The following ACTR10 variants were observed in gnomAD, a reference collection of about 807,000 sequenced individuals.
The protein encoded by ACTR10 is actin related protein 10.
Under a neutral mutation model 56.2 loss-of-function variants are expected in ACTR10, and 43 were observed. The ratio of observed to expected loss-of-function variants is 0.77; its 90% CI spans 0.60 to 0.99. ACTR10 has a LOEUF of 0.99. Among genes scored for constraint, ACTR10 ranks in the 50% least tolerant of loss-of-function variants. The pLI is 0.00. For missense variants in ACTR10, 466 were observed against 507.8 expected (o/e 0.92, Z 0.79); for synonymous variants, 170 against 176.3 (o/e 0.96, Z 0.28).
chr14:58,214,998 C>T (rs991871883), intron 6 of ACTR10, among the ~76,000 whole-genome samples: 6 of 151,526 alleles, frequency 4.0e-5, no homozygotes, highest in South Asian at 2.1e-4. Context: ...CCCAGCTACT[C>T]GAGAGGCTGA....
chr14:58,204,333 G>A (rs1025599786), intron 2 of ACTR10, among the ~76,000 whole-genome samples: 1 of 151,816 alleles, frequency 6.6e-6, no homozygotes, highest in African/African-American at 2.4e-5. Flanking sequence ...GCAGTGAGCC[G>A]AGATTGCGCC....
chr14:58,218,947 T>C (rs1218787153), intron 7 of ACTR10, among the ~76,000 whole-genome samples: 1 of 152,110 alleles, frequency 6.6e-6, no homozygotes, highest in Non-Finnish European at 1.5e-5. Context: ...CTCATTCTCC[T>C]GAGTAGCTGG....
chr14:58,202,417 TAA>T (rs1171913562), intron 1 of ACTR10, among the ~76,000 whole-genome samples: 21 of 132,616 alleles, frequency 1.6e-4, no homozygotes, highest in Non-Finnish European at 1.1e-4. Context: ...TCGTCTCTAC[TAA>T]AAAAAAAAAA....
chr14:58,209,269 G>T, intron 4 of ACTR10, 162 bp downstream of exon 4: 1 of 449,444 alleles, frequency 2.2e-6, no homozygotes, highest in East Asian at 3.8e-5. Flanking sequence ...TATTGTGTAT[G>T]GCACACAGTG....
At chr14:58,219,302 G>A (rs1240974625) in intron 7 of ACTR10, among the ~76,000 whole-genome samples, 1 of 152,122 alleles carries the variant, frequency 6.6e-6, no homozygotes, top group Non-Finnish European at 1.5e-5. Context: ...CTTTCATTTA[G>A]TATTTAGAAC....
intron 7 of ACTR10, among the ~76,000 whole-genome samples, chr14:58,217,788 G>T (rs1291933945): frequency 1.3e-5 from 2 of 152,108 alleles, no homozygotes; most frequent in Admixed American, 6.6e-5. Context: ...TTTTGAATGA[G>T]CCTCTTTCAT....
chr14:58,234,532 C>A lies in ACTR10; in HGVS notation c.1235C>A (p.Ala412Glu). Residue 412 changes from alanine to glutamate, a missense_variant, in exon 13 of 13, where the codon GCA becomes GAA. Coordinates refer to ENST00000254286, the MANE Select transcript of ACTR10 (RefSeq NM_018477.3). The part of the protein sequence containing the change: ...GKTQPPLMKR[A>E]FSTEK ...ACTCAACCACCTCTGATGAAGAGAG[C>A]ATTTTCCACTGAGAAATAGAAGTTT... The A allele has an allele frequency of 6.2e-7, 1 of 1,608,096 alleles. No homozygotes were observed. The highest frequency in any genetic ancestry group is 8.5e-7 in the Non-Finnish European group (1 of 1,177,722).
chr14:58,217,459 A>G (rs1437758429), intron 7 of ACTR10, among the ~76,000 whole-genome samples: 3 of 152,044 alleles, frequency 2.0e-5, no homozygotes, highest in African/African-American at 7.2e-5. Context: ...CTTGAGGTCA[A>G]GAGTTCGAGA....
At chr14:58,219,393 AT>A (rs1889213389) in intron 7 of ACTR10, 1 of 208,480 alleles carries the variant, frequency 4.8e-6, no homozygotes, top group Non-Finnish European at 9.5e-6. Context: ...AGATTAAAAG[AT>A]TGTGTGTGGT....
intron 1 of ACTR10, among the ~76,000 whole-genome samples, chr14:58,202,515 C>A (rs1249113944): frequency 4.6e-5 from 7 of 151,384 alleles, no homozygotes; most frequent in Non-Finnish European, 1.0e-4. Context: ...ACCCGGGAGG[C>A]GGAGCTTGCA....
chr14:58,221,463 C>CA (rs1786879701), intron 8 of ACTR10, among the ~76,000 whole-genome samples: 1 of 151,928 alleles, frequency 6.6e-6, no homozygotes, highest in Admixed American at 6.6e-5. Context: ...TGTGGTGGTA[C>CA]AGACCTATAG....
chr14:58,215,789 G>A (rs1057356905), intron 7 of ACTR10, among the ~76,000 whole-genome samples: 28 of 151,946 alleles, frequency 1.8e-4, no homozygotes, highest in Non-Finnish European at 3.5e-4. Flanking sequence ...GATTATTAGA[G>A]ACTGTGCATG....
rs562300868 is a variant in ACTR10 at position 58,235,357 on chromosome 14, G to A, written c.*806G>A. ...TATATTTGATCTTTGGACTGAGAAT[G>A]TTTGGTAACATAGTCAAGCATTTGT... On this transcript the variant is annotated 3_prime_UTR_variant, in exon 13 of 13. Coordinates refer to ENST00000254286, the MANE Select transcript of ACTR10 (RefSeq NM_018477.3). 1.6e-4 allele frequency: 25 copies of A among 152,090 alleles called. No homozygotes were observed. Among genetic ancestry groups the A allele is most frequent in the Non-Finnish European group, 3.4e-4 (23 of 68,016 alleles). 9.4% of individuals were successfully genotyped at this position (152,090 alleles called of 1,614,324 possible). A position where few individuals can be genotyped will look rare whatever the true frequency, so the allele number is the denominator to read the frequency against.
chr14:58,221,685 G>C (rs879642285), intron 8 of ACTR10, among the ~76,000 whole-genome samples: 1 of 152,190 alleles, frequency 6.6e-6, no homozygotes, highest in Admixed American at 6.5e-5. Flanking sequence ...AGGTTGCAGT[G>C]AGCCAAGATC....
At chr14:58,217,786 G>A (rs898565019) in intron 7 of ACTR10, among the ~76,000 whole-genome samples, 5 of 152,094 alleles carry the variant, frequency 3.3e-5, no homozygotes, top group African/African-American at 1.2e-4. Flanking sequence ...AATTTTGAAT[G>A]AGCCTCTTTC....
chr14:58,221,302 A>AT (rs1491086707), intron 8 of ACTR10, among the ~76,000 whole-genome samples: 8 of 129,896 alleles, frequency 6.2e-5, no homozygotes, highest in Non-Finnish European at 8.7e-5. Context: ...AAAAAAAAAA[A>AT]ATATATGCAG....
At chr14:58,220,259 C>T (rs1889230987) in intron 8 of ACTR10, among the ~76,000 whole-genome samples, 1 of 152,060 alleles carries the variant, frequency 6.6e-6, no homozygotes, top group Non-Finnish European at 1.5e-5. Context: ...CAATACTTGG[C>T]ATGTCATTAA....
chr14:58,228,990 T>C (rs1006674160), intron 10 of ACTR10, among the ~76,000 whole-genome samples: 3 of 152,158 alleles, frequency 2.0e-5, no homozygotes, highest in Admixed American at 6.6e-5. Context: ...AGGTCCCATA[T>C]ACCCTTTCAG....
chr14:58,232,355 C>A, intron 12 of ACTR10, 88 bp downstream of exon 12: 1 of 897,260 alleles, frequency 1.1e-6, no homozygotes, highest in Non-Finnish European at 1.6e-6. Flanking sequence ...ATAAATAATT[C>A]AGGGTTCAGA....
Sources: gnomAD v4.1 joint callset for allele counts (sites outside exome capture counted in the v4.1 genomes callset) on GRCh38, gnomAD v4.1.1 for gene constraint, MANE v1.5 for transcripts, NCBI Gene and HGNC (gene_info 2026-07-23, HGNC 2026-07-21) for gene names.